Variants in PLCG2 observed in about 807,000 individuals in gnomAD.
PLCG2 encodes phospholipase C gamma 2, also known as 1-phosphatidylinositol 4,5-bisphosphate phosphodiesterase gamma-2.
Under a neutral mutation model 175.6 loss-of-function variants are expected in PLCG2, and 69 were observed. That is an observed-to-expected ratio of 0.39 (90% CI 0.32 to 0.48). The LOEUF (loss-of-function observed/expected upper bound fraction) is 0.48. Among genes scored for constraint, PLCG2 ranks in the 20% least tolerant of loss-of-function variants. The pLI is 0.91. For missense variants in PLCG2, 1,798 were observed against 1,650.9 expected (o/e 1.09, Z -1.54); for synonymous variants, 827 against 624.0 (o/e 1.33, Z -4.85).
chr16:81,935,809 C>T, intron 26 of PLCG2: 1 of 985,356 alleles, frequency 1.0e-6, no homozygotes, highest in Non-Finnish European at 1.2e-6. Context: ...CTCTCTGGAT[C>T]TTCCCCTCCC....
intron 4 of PLCG2, 151 bp downstream of exon 4, chr16:81,858,507 A>G (rs1906802069): frequency 1.5e-6 from 1 of 650,370 alleles, no homozygotes; most frequent in African/African-American, 1.8e-5. Context: ...GGTGCCTAGT[A>G]GCGGTGTGGG....
intron 2 of PLCG2, among the ~76,000 whole-genome samples, chr16:81,789,639 T>C (rs1911138071): frequency 6.6e-6 from 1 of 152,184 alleles, no homozygotes; most frequent in South Asian, 2.1e-4. Context: ...CCTTCTTCTT[T>C]CTCCCTGGAG....
Position 81,858,443 on chromosome 16 carries a change from A to G in PLCG2, c.431+87A>G, listed in dbSNP as rs5016604. On this transcript the variant is annotated intron_variant, in intron 4 of 32. Transcript: ENST00000564138. ...CCAACATGGGCTACAGGGGGGAAAA[A>G]AAAAAAAAGGGACATTGGTTTTTTG... 472 of 882,920 alleles carry G rather than the reference A, an allele frequency of 5.3e-4. 2 individuals carry two copies. The African/African-American group carries it at 5.7e-3, about 11-fold the overall frequency. 54.7% of individuals were successfully genotyped at this position (882,920 alleles called of 1,614,324 possible). A position where few individuals can be genotyped will look rare whatever the true frequency, so the allele number is the denominator to read the frequency against.
intron 1 of PLCG2, among the ~76,000 whole-genome samples, chr16:81,744,923 G>C (rs1909674332): frequency 6.6e-6 from 1 of 152,206 alleles, no homozygotes; most frequent in Non-Finnish European, 1.5e-5. Flanking sequence ...CAACAGGCTG[G>C]ATGCTGCAGG....
At chr16:81,933,942 C>G (rs994138463) in intron 25 of PLCG2, among the ~76,000 whole-genome samples, 3 of 152,168 alleles carry the variant, frequency 2.0e-5, no homozygotes, top group African/African-American at 7.2e-5. Flanking sequence ...GGTAGTGGTC[C>G]CCTTGGACAG....
At chr16:81,877,746 C>T (rs1907871851) in intron 7 of PLCG2, among the ~76,000 whole-genome samples, 1 of 152,096 alleles carries the variant, frequency 6.6e-6, no homozygotes, top group Non-Finnish European at 1.5e-5. Flanking sequence ...ATGTAGGCGT[C>T]ATCGCTTCTT....
upstream of PLCG2, among the ~76,000 whole-genome samples, chr16:81,778,055 C>CAAA (rs1425376634): frequency 1.4e-4 from 8 of 56,756 alleles, no homozygotes; most frequent in African/African-American, 3.3e-4. Flanking sequence ...AAAAAAAAAA[C>CAAA]AAAAAAAACC....
intron 2 of PLCG2, among the ~76,000 whole-genome samples, chr16:81,806,971 G>T (rs1192390343): frequency 6.6e-6 from 1 of 152,166 alleles, no homozygotes; most frequent in East Asian, 1.9e-4. Context: ...GGAGCCGGGA[G>T]CCATGGGAGA....
At chr16:81,917,053 C>T (rs910676708) in intron 19 of PLCG2, among the ~76,000 whole-genome samples, 1 of 152,124 alleles carries the variant, frequency 6.6e-6, no homozygotes, top group Non-Finnish European at 1.5e-5. Context: ...CACTCCCTAC[C>T]TCCCCCTGCC....
chr16:81,778,032 C>CAAAAAA (rs566484508), upstream of PLCG2, among the ~76,000 whole-genome samples: 7 of 58,702 alleles, frequency 1.2e-4, no homozygotes, highest in South Asian at 6.8e-4. Context: ...AAAAAAAAAA[C>CAAAAAA]AAAAAAAAAA....
intron 3 of PLCG2, among the ~76,000 whole-genome samples, chr16:81,857,752 T>A (rs1226203864): frequency 2.6e-5 from 4 of 152,210 alleles, no homozygotes; most frequent in Non-Finnish European, 4.4e-5. Context: ...ATTCAACATA[T>A]GAATTCGGAA....
At chr16:81,841,994 G>A (rs1290397587) in intron 2 of PLCG2, among the ~76,000 whole-genome samples, 1 of 152,220 alleles carries the variant, frequency 6.6e-6, no homozygotes, top group East Asian at 1.9e-4. Flanking sequence ...CACCTTGGTG[G>A]AGCCCTCCTG....
At chr16:81,792,439 C>G (rs1365050551) in intron 2 of PLCG2, among the ~76,000 whole-genome samples, 2 of 130,056 alleles carry the variant, frequency 1.5e-5, no homozygotes, top group African/African-American at 2.9e-5. Flanking sequence ...CGAGATCACT[C>G]CACTGCACTC....
intron 19 of PLCG2, among the ~76,000 whole-genome samples, chr16:81,918,976 G>C (rs965763936): frequency 5.9e-5 from 9 of 152,094 alleles, no homozygotes; most frequent in African/African-American, 2.2e-4. Context: ...AGGTGGGGGG[G>C]ATTGGCAAAC....
At chr16:81,793,205 T>C (rs771112015) in intron 2 of PLCG2, among the ~76,000 whole-genome samples, 7 of 152,184 alleles carry the variant, frequency 4.6e-5, no homozygotes, top group Non-Finnish European at 1.0e-4. Context: ...TGGGATTCCT[T>C]CCATCCCCAG....
At position 81,962,014 on chromosome 16, in the gene PLCG2, C is replaced by G. The variant is rs532628962; in HGVS notation, c.*4016C>G. ...GATCTGGCTGGCTAGGTGGGTGTCC[C>G]CTTCCTACCTCACCGCTCCATGTGC... is the stretch of plus-strand genomic sequence containing the variant. On this transcript the variant is annotated 3_prime_UTR_variant, in exon 33 of 33. Transcript: ENST00000564138. 1 of 193,506 alleles carries G rather than the reference C, an allele frequency of 5.2e-6. No homozygotes were observed. Among genetic ancestry groups the G allele is most frequent in the Non-Finnish European group, 1.1e-5 (1 of 90,818 alleles). The allele number at this position is 193,506 out of a possible 1,614,324, so 12.0% of individuals were successfully genotyped here. A position where few individuals can be genotyped will look rare whatever the true frequency, so the allele number is the denominator to read the frequency against.
chr16:81,766,062 G>T (rs1567696851), intron 2 of PLCG2, among the ~76,000 whole-genome samples: 1 of 152,310 alleles, frequency 6.6e-6, no homozygotes, highest in East Asian at 1.9e-4. Context: ...CTTCCCAGGT[G>T]TGTCCTACCT....
chr16:81,747,163 G>T (rs1353360641), intron 1 of PLCG2, among the ~76,000 whole-genome samples: 1 of 152,180 alleles, frequency 6.6e-6, no homozygotes, highest in Non-Finnish European at 1.5e-5. Flanking sequence ...AGGCATATAT[G>T]TGCAGCTTCA....
At chr16:81,942,338 G>T (rs1225468683) in intron 30 of PLCG2, among the ~76,000 whole-genome samples, 1 of 152,156 alleles carries the variant, frequency 6.6e-6, no homozygotes, top group Non-Finnish European at 1.5e-5. Context: ...AAAAAACAAA[G>T]GTCAAAACCT....
Sources: allele counts gnomAD v4.1 joint callset (sites outside exome capture counted in the v4.1 genomes callset), GRCh38; gene constraint gnomAD v4.1.1; transcripts MANE v1.5; gene names NCBI Gene and HGNC (gene_info 2026-07-23, HGNC 2026-07-21).